Variants in SELE observed in about 807,000 individuals in gnomAD.
SELE encodes E-selectin.
In SELE, 52 loss-of-function variants were observed where a neutral mutation model predicts 75.8. That is an observed-to-expected ratio of 0.69 (90% CI 0.55 to 0.86). SELE has a LOEUF of 0.86. SELE is among the 40% of genes least tolerant of loss of function. The pLI is 0.00. For synonymous variants in SELE, 285 were observed against 258.7 expected, an observed-to-expected ratio of 1.10 and a Z score of -0.98; for missense variants, 754 against 732.7, an observed-to-expected ratio of 1.03 and a Z score of -0.34.
At position 169,723,183 on chromosome 1, in the gene SELE, T is replaced by G. The variant is rs897724177; in HGVS notation, c.*1342A>C. 3 of 152,230 alleles carry G rather than the reference T, an allele frequency of 2.0e-5. No individual in the cohort carries two copies. The allele number at this position is 152,230 out of a possible 1,614,324, so 9.4% of individuals were successfully genotyped here. A position where few individuals can be genotyped will look rare whatever the true frequency, so the allele number is the denominator to read the frequency against. ...TTCCTTTGGAATTGTTAAATCTGCTTATAAATAAACATAAATGCTTGCTCA... is the reference window on the plus strand; with the variant it reads ...TTCCTTTGGAATTGTTAAATCTGCTGATAAATAAACATAAATGCTTGCTCA... On this transcript the variant is annotated 3_prime_UTR_variant, in exon 14 of 14. Coordinates refer to ENST00000333360, the MANE Select transcript of SELE (RefSeq NM_000450.2).
Position 169,725,888 on chromosome 1 carries a change from G to A in SELE, c.1775+19C>T, listed in dbSNP as rs372431872. The A allele has an allele frequency of 2.2e-4, 352 of 1,613,712 alleles. No homozygotes were observed. Among genetic ancestry groups the A allele is most frequent in the Non-Finnish European group, 2.9e-4 (340 of 1,179,770 alleles). Reference sequence around the variant, plus strand: ...TGTGGAATGTTCAATGGCATGCTTTGTATAAGAATGCAACTTACCTGGCAG... The same window carrying A: ...TGTGGAATGTTCAATGGCATGCTTTATATAAGAATGCAACTTACCTGGCAG... On this transcript the variant is annotated intron_variant, in intron 12 of 13. Transcript: ENST00000333360.
In SELE at chr1:169,723,387, A is replaced by C. The variant is rs1244833060; in HGVS notation, c.*1138T>G. 6.6e-6 allele frequency: 1 copy of C among 152,244 alleles called. No individual in the cohort carries two copies. Among genetic ancestry groups the C allele is most frequent in the Non-Finnish European group, 1.5e-5 (1 of 68,050 alleles). 9.4% of individuals were successfully genotyped at this position (152,244 alleles called of 1,614,324 possible). A position where few individuals can be genotyped will look rare whatever the true frequency, so the allele number is the denominator to read the frequency against. The stretch of plus-strand genomic sequence containing the variant: ...GAATTATGTTTACATATCATATCTG[A>C]CAAACATCTTTGTAGGAATGCAAAG... On this transcript the variant is annotated 3_prime_UTR_variant, in exon 14 of 14. Transcript: ENST00000333360.
At chr1:169,733,865 C>A in intron 1 of SELE, 106 bp downstream of exon 1, 1 of 545,018 alleles carries the variant, frequency 1.8e-6, no homozygotes, top group Non-Finnish European at 3.3e-6. Context: ...CAGGTTTTAG[C>A]TACAATACAA....
intron 3 of SELE, 123 bp from the exon 4 acceptor site, chr1:169,732,065 A>G: frequency 1.8e-6 from 1 of 569,462 alleles, no homozygotes; most frequent in Non-Finnish European, 3.1e-6. Flanking sequence ...CATAGACTTT[A>G]ACTGAAGTGT....
In SELE at chr1:169,727,880, A is replaced by C. The variant is rs1322105997; in HGVS notation, c.1327T>G (p.Cys443Gly). 1 of 1,614,136 alleles carries C rather than the reference A, an allele frequency of 6.2e-7. No homozygotes were observed. Among genetic ancestry groups the C allele is most frequent in the Middle Eastern group, 1.6e-4 (1 of 6,062 alleles). ...AATTCTCCAATAGGGGAATGAGCAC[A>C]CCTCACCAAACCCTTCGGGGGCTGG... is the stretch of plus-strand genomic sequence containing the variant. ...VHQPPKGLVR[C>G]AHSPIGEFTY... Residue 443 changes from cysteine to glycine, a missense_variant, in exon 9 of 14, where the codon TGT becomes GGT. Coordinates refer to ENST00000333360, the MANE Select transcript of SELE (RefSeq NM_000450.2).
In SELE at chr1:169,733,618, C is replaced by T. The variant is rs758902359; in HGVS notation, c.-6G>A. 6.2e-7 allele frequency: 1 copy of T among 1,613,964 alleles called. No homozygotes were observed. The highest frequency in any genetic ancestry group is 1.7e-5 in the Admixed American group (1 of 60,024). On this transcript the variant is annotated 5_prime_UTR_variant, in exon 2 of 14. Transcript: ENST00000333360. ...AGAAACTGTGAAGCAATCATGACTT[C>T]AAGAGTTCTTTTCACCCAAAGGTTT...
At chr1:169,731,531 T>C (rs180744834) in intron 4 of SELE, 7 of 252,388 alleles carry the variant, frequency 2.8e-5, no homozygotes, top group East Asian at 1.1e-4. Context: ...TTATTGAATG[T>C]GTCCTGTGTG....
intron 1 of SELE, 72 bp from the exon 2 acceptor site, chr1:169,733,732 T>C: frequency 1.0e-6 from 1 of 971,660 alleles, no homozygotes; most frequent in South Asian, 1.4e-5. Flanking sequence ...TCTACCATGA[T>C]GTTTAAGGCA....
intron 4 of SELE, 198 bp downstream of exon 4, chr1:169,731,637 C>T (rs920193706): frequency 2.0e-6 from 1 of 511,108 alleles, no homozygotes; most frequent in African/African-American, 1.9e-5. Context: ...ACTATCTTGT[C>T]AAGGTGCCAA....
intron 7 of SELE, among the ~76,000 whole-genome samples, chr1:169,728,904 A>G (rs1021375135): frequency 2.6e-5 from 4 of 152,178 alleles, no homozygotes; most frequent in Non-Finnish European, 4.4e-5. Flanking sequence ...ATTTTCTAAT[A>G]TGATTCCTTT....
Position 169,728,291 on chromosome 1 carries a change from G to A in SELE, c.1091-45C>T, listed in dbSNP as rs574032156. 8.8e-6 allele frequency: 14 copies of A among 1,589,582 alleles called. 1 individual carries two copies. The highest frequency in any genetic ancestry group is 6.7e-5 in the African/African-American group (5 of 74,378). ...GTCAGAAAATATTGCAGTGGAACTA[G>A]AGAGTACTTGGCGTTTGTTGAGTGA... is the stretch of plus-strand genomic sequence containing the variant. On this transcript the variant is annotated intron_variant, in intron 7 of 13. Coordinates refer to ENST00000333360, the MANE Select transcript of SELE (RefSeq NM_000450.2).
At chr1:169,725,066 TCTCATTTTCTTCATCTGTGTGATAAGA>T (rs1239545202) in intron 13 of SELE, among the ~76,000 whole-genome samples, 12 of 152,190 alleles carry the variant, frequency 7.9e-5, no homozygotes, top group African/African-American at 2.4e-4. Flanking sequence ...AACTTCTCTG[TCTCATTTTCTTCATCTGTGTGATAAGA>T]AATAAAGTAA....
rs368786516 is a variant in SELE at position 169,730,619 on chromosome 1, T to A, written c.530-2A>T. On this transcript the variant is annotated splice_acceptor_variant, in intron 4 of 13. Coordinates refer to ENST00000333360, the MANE Select transcript of SELE (RefSeq NM_000450.2). LOFTEE classifies it high-confidence loss of function. ...ATTCCAGGGCTGTACAGTTCACAAC[T>A]GAAAAAGAAACCCAAATCAGTTCTG... 2.5e-6 allele frequency: 4 copies of A among 1,589,634 alleles called. No homozygotes were observed. The highest frequency in any genetic ancestry group is 3.4e-6 in the Non-Finnish European group (4 of 1,165,562).
chr1:169,729,425 C>A (rs1031296786), intron 6 of SELE, 51 bp from the exon 7 acceptor site: 2 of 1,608,266 alleles, frequency 1.2e-6, no homozygotes, highest in Non-Finnish European at 1.7e-6. Context: ...TTAGCTTGCC[C>A]ATTTCCAGTA....
intron 4 of SELE, chr1:169,731,628 C>T (rs1281978579): frequency 2.0e-6 from 1 of 495,562 alleles, no homozygotes; most frequent in African/African-American, 2.0e-5. Flanking sequence ...GAGAGTTAAA[C>T]TATCTTGTCA....
chr1:169,729,912 T>C (rs1648867778), intron 5 of SELE, among the ~76,000 whole-genome samples: 1 of 152,186 alleles, frequency 6.6e-6, no homozygotes, highest in Admixed American at 6.5e-5. Flanking sequence ...TGTTATCATT[T>C]ACGTGAGGTA....
chr1:169,731,680 C>T, intron 4 of SELE, 155 bp downstream of exon 4: 1 of 564,670 alleles, frequency 1.8e-6, no homozygotes, highest in South Asian at 2.1e-5. Context: ...GACTCAAACC[C>T]AGCAGGGTCT....
At position 169,732,833 on chromosome 1, in the gene SELE, C is replaced by G. The variant is rs1333389589; in HGVS notation, c.203G>C (p.Ser68Thr). 2.5e-6 allele frequency: 4 copies of G among 1,614,020 alleles called. No individual in the cohort carries two copies. Among genetic ancestry groups the G allele is most frequent in the Non-Finnish European group, 3.4e-6 (4 of 1,180,022 alleles). Residue 68 changes from serine to threonine, a missense_variant, in exon 3 of 14, where the codon AGT becomes ACT. Ser to Thr is a moderately conservative substitution (Grantham distance 58). Coordinates refer to ENST00000333360, the MANE Select transcript of SELE (RefSeq NM_000450.2). Reference protein sequence around the residue: ...YLNSILSYSPSYYWIGIRKVN... With the variant: ...YLNSILSYSPTYYWIGIRKVN... ...TTTTCTGATTCCAATCCAGTAATAA[C>G]TTGGTGAATAGCTCAATATGGAGTT...
rs141877004 is a variant in SELE at position 169,727,797 on chromosome 1, T to A, written c.1410A>T (p.Ser470=). 78 of 1,614,066 alleles carry A rather than the reference T, an allele frequency of 4.8e-5. No homozygotes were observed. Among genetic ancestry groups the A allele is most frequent in the African/African-American group, 6.7e-5 (5 of 74,926 alleles). The change falls in exon 9 of 14, where the codon TCA becomes TCT. Residue 470 remains serine, a synonymous_variant. Coordinates refer to ENST00000333360, the MANE Select transcript of SELE (RefSeq NM_000450.2). ...SCEEGFELHG[S]TQLECTSQGQ... ...CCTGAGATGTGCACTCAAGTTGAGT[T>A]GATCCATGTAATTCAAATCCCTCCT...
Sources: gnomAD v4.1 joint callset for allele counts (sites outside exome capture counted in the v4.1 genomes callset) on GRCh38, gnomAD v4.1.1 for gene constraint, MANE v1.5 for transcripts, NCBI Gene and HGNC (gene_info 2026-07-23, HGNC 2026-07-21) for gene names.